LRRC58: variants seen among roughly 807,000 people sequenced by gnomAD.
The protein encoded by LRRC58 is leucine-rich repeat-containing protein 58.
In LRRC58, 18 loss-of-function variants were observed where a neutral mutation model predicts 30.6. The ratio of observed to expected loss-of-function variants is 0.59; its 90% CI spans 0.41 to 0.87. The LOEUF (loss-of-function observed/expected upper bound fraction) is 0.87. LRRC58 is among the 40% of genes least tolerant of loss of function. The probability of loss-of-function intolerance (pLI) is 0.00; values close to 1 mark genes in which losing one functional copy is unlikely to be tolerated. For synonymous variants in LRRC58, 221 were observed against 206.0 expected (o/e 1.07, Z -0.62); for missense variants, 420 against 468.4 (o/e 0.90, Z 0.95).
At position 120,327,891 on chromosome 3, in the gene LRRC58, T is replaced by A. The variant is rs183747889; in HGVS notation, c.*3309A>T. On this transcript the variant is annotated 3_prime_UTR_variant, in exon 4 of 4. Transcript: ENST00000295628. ...CTCCGGAGTTAGCTGGGACTATGGG[T>A]GTGCGTCACAACGCCCGGCTAATTT... is the stretch of plus-strand genomic sequence containing the variant. 6.6e-6 allele frequency: 1 copy of A among 152,198 alleles called. No homozygotes were observed. Among genetic ancestry groups the A allele is most frequent in the East Asian group, 1.9e-4 (1 of 5,140 alleles). 9.4% of individuals were successfully genotyped at this position (152,198 alleles called of 1,614,324 possible). A position where few individuals can be genotyped will look rare whatever the true frequency, so the allele number is the denominator to read the frequency against.
At chr3:120,333,439 G>A (rs1171290349) in intron 3 of LRRC58, among the ~76,000 whole-genome samples, 1 of 152,232 alleles carries the variant, frequency 6.6e-6, no homozygotes, top group African/African-American at 2.4e-5. Context: ...GCACAGTGCT[G>A]CAATCTCTAC....
At chr3:120,339,250 T>TTG (rs1935873485) in intron 1 of LRRC58, among the ~76,000 whole-genome samples, 3 of 152,154 alleles carry the variant, frequency 2.0e-5, no homozygotes, top group Non-Finnish European at 4.4e-5. Context: ...TCAATTTTCG[T>TTG]TGTACTCTCT....
At position 120,349,296 on chromosome 3, in the gene LRRC58, T is replaced by C; in HGVS notation, c.-53A>G. 7.4e-7 allele frequency: 1 copy of C among 1,342,388 alleles called. No individual in the cohort carries two copies. The highest frequency in any genetic ancestry group is 9.5e-7 in the Non-Finnish European group (1 of 1,052,254). The allele number at this position is 1,342,388 out of a possible 1,614,324, so 83.2% of individuals were successfully genotyped here. On this transcript the variant is annotated 5_prime_UTR_variant, in exon 1 of 4. Transcript: ENST00000295628. ...GGATTCCCCAGAGCGCCGCGCGCGG[T>C]CCAGAGGCCGGGAGCTCTGCGGCGC...
chr3:120,348,771 ATGCTCTGCAGTTGGT>A lies in LRRC58; in HGVS notation c.458_472del (p.Asn153_Ser157del), dbSNP rs1188700105. ...CTGCAAGTTCTCGATCTCAGCCGGG[ATGCTCTGCAGTTGGT>A]TGCCGCCCAGGCTCAGGGTCTGCAG... On this transcript the variant is annotated inframe_deletion, in exon 1 of 4. Transcript: ENST00000295628. 6.2e-7 allele frequency: 1 copy of A among 1,600,788 alleles called. No homozygotes were observed. The highest frequency in any genetic ancestry group is 1.1e-5 in the South Asian group (1 of 88,976).
intron 1 of LRRC58, among the ~76,000 whole-genome samples, chr3:120,341,426 TA>T (rs373891997): frequency 5.3e-5 from 8 of 152,040 alleles, no homozygotes; most frequent in Middle Eastern, 3.4e-3. Flanking sequence ...AGAAAAAAAA[TA>T]AAGTAAAAAA....
At position 120,327,672 on chromosome 3, in the gene LRRC58, T is replaced by G. The variant is rs928828192; in HGVS notation, c.*3528A>C. Reference sequence around the variant, plus strand: ...ATTACAAAACATTATTGTGGACTGCTTTTTACTTTAATTTACACAAACACA... The same window carrying G: ...ATTACAAAACATTATTGTGGACTGCGTTTTACTTTAATTTACACAAACACA... On this transcript the variant is annotated 3_prime_UTR_variant, in exon 4 of 4. Transcript: ENST00000295628. 1 of 152,224 alleles carries G rather than the reference T, an allele frequency of 6.6e-6. No individual in the cohort carries two copies. The highest frequency in any genetic ancestry group is 6.5e-5 in the Admixed American group (1 of 15,282). 9.4% of individuals were successfully genotyped at this position (152,224 alleles called of 1,614,324 possible). A position where few individuals can be genotyped will look rare whatever the true frequency, so the allele number is the denominator to read the frequency against.
rs1935663309 is a variant in LRRC58, at chr3:120,325,634, A to G, written c.*5566T>C. 1 of 152,202 alleles carries G rather than the reference A, an allele frequency of 6.6e-6. No homozygotes were observed. Among genetic ancestry groups the G allele is most frequent in the African/African-American group, 2.4e-5 (1 of 41,456 alleles). The allele number at this position is 152,202 out of a possible 1,614,324, so 9.4% of individuals were successfully genotyped here. A position where few individuals can be genotyped will look rare whatever the true frequency, so the allele number is the denominator to read the frequency against. ...TAGTAAATATAGACCAAGAAGAGATAGAAAAAGAATGGGAGATATTTACAT... is the reference window on the plus strand; with the variant it reads ...TAGTAAATATAGACCAAGAAGAGATGGAAAAAGAATGGGAGATATTTACAT... On this transcript the variant is annotated 3_prime_UTR_variant, in exon 4 of 4. Transcript: ENST00000295628.
At chr3:120,335,258 G>C in intron 2 of LRRC58, 119 bp from the exon 3 acceptor site, 1 of 815,120 alleles carries the variant, frequency 1.2e-6, no homozygotes, top group South Asian at 2.0e-5. Flanking sequence ...TAAGATTAAG[G>C]TCAATTGAAG....
At chr3:120,341,912 T>C (rs1168265802) in intron 1 of LRRC58, among the ~76,000 whole-genome samples, 1 of 152,050 alleles carries the variant, frequency 6.6e-6, no homozygotes, top group African/African-American at 2.4e-5. Context: ...CCCTGTGCTC[T>C]AGGGGGAGGG....
chr3:120,333,624 C>T (rs541181109), intron 3 of LRRC58, among the ~76,000 whole-genome samples: 78 of 152,352 alleles, frequency 5.1e-4, no homozygotes, highest in African/African-American at 1.8e-3. Context: ...TTTTGATCAT[C>T]ATTATGCAGC....
intron 1 of LRRC58, among the ~76,000 whole-genome samples, chr3:120,336,397 T>C (rs951156864): frequency 2.5e-4 from 38 of 152,204 alleles, no homozygotes; most frequent in African/African-American, 8.4e-4. Context: ...AGGAGAGGGC[T>C]TGTGAAGGCA....
intron 3 of LRRC58, among the ~76,000 whole-genome samples, chr3:120,331,786 A>G (rs1935761120): frequency 6.6e-6 from 1 of 152,148 alleles, no homozygotes; most frequent in African/African-American, 2.4e-5. Flanking sequence ...AAACAAAACA[A>G]CATAAAAACT....
At chr3:120,344,545 C>G (rs569488507) in intron 1 of LRRC58, among the ~76,000 whole-genome samples, 1 of 152,204 alleles carries the variant, frequency 6.6e-6, no homozygotes, top group Non-Finnish European at 1.5e-5. Flanking sequence ...AGAGCATTAA[C>G]TTTTAGCTTT....
At chr3:120,335,489 G>A (rs2107622966) in intron 2 of LRRC58, among the ~76,000 whole-genome samples, 1 of 152,238 alleles carries the variant, frequency 6.6e-6, no homozygotes, top group South Asian at 2.1e-4. Context: ...CAGAAATTAA[G>A]ATCCTTCATA....
chr3:120,348,281 A>T (rs1439647280), intron 1 of LRRC58, among the ~76,000 whole-genome samples: 1 of 152,186 alleles, frequency 6.6e-6, no homozygotes, highest in Non-Finnish European at 1.5e-5. Context: ...GAACTCCACA[A>T]ATGGTAGTTG....
At chr3:120,339,757 G>T (rs907136348) in intron 1 of LRRC58, among the ~76,000 whole-genome samples, 2 of 151,992 alleles carry the variant, frequency 1.3e-5, no homozygotes, top group African/African-American at 4.8e-5. Flanking sequence ...TATCAGTTTA[G>T]AGAGCTCCCT....
intron 2 of LRRC58, 59 bp from the exon 3 acceptor site, chr3:120,335,198 T>G (rs368286630): frequency 1.4e-6 from 2 of 1,417,214 alleles, no homozygotes; most frequent in South Asian, 2.6e-5. Context: ...TCAAAAATAT[T>G]GAATATATGT....
At chr3:120,335,245 AATTAAG>A (rs1239218608) in intron 2 of LRRC58, 106 bp from the exon 3 acceptor site, 15 of 947,292 alleles carry the variant, frequency 1.6e-5, no homozygotes, top group Middle Eastern at 2.5e-4. Context: ...AAGAATGAGC[AATTAAG>A]ATTAAGGTCA....
rs367647477 is a variant in LRRC58, at chr3:120,334,937, T to C, written c.832A>G (p.Thr278Ala). 7.4e-6 allele frequency: 12 copies of C among 1,613,360 alleles called. No homozygotes were observed. The highest frequency in any genetic ancestry group is 1.0e-5 in the Non-Finnish European group (12 of 1,179,730). ...RTIKIRNISY[T>A]PYDLPGNLLR... is the part of the protein sequence containing the mutation. ...AGATTTCCAGGAAGATCATAGGGAGTGTAGGAAATATTTCGAATCTTAATG... is the reference window on the plus strand; with the variant it reads ...AGATTTCCAGGAAGATCATAGGGAGCGTAGGAAATATTTCGAATCTTAATG... The change falls in exon 3 of 4, where the codon ACT becomes GCT. Residue 278 changes from threonine to alanine, a missense_variant. By Grantham distance (58) the Thr-to-Ala change is moderately conservative. Around this residue, in one of 2 missense-constraint regions of LRRC58, gnomAD observed 154 missense variants for 216.8 expected, o/e 0.71. Transcript: ENST00000295628.
Sources: gnomAD v4.1 joint callset for allele counts (sites outside exome capture counted in the v4.1 genomes callset) on GRCh38, gnomAD v4.1.1 for gene constraint, gnomAD v4.1.1 regional missense constraint, MANE v1.5 for transcripts, NCBI Gene and HGNC (gene_info 2026-07-23, HGNC 2026-07-21) for gene names.